CFAP77: variants seen among roughly 807,000 people sequenced by gnomAD.
CFAP77 encodes the protein cilia- and flagella-associated protein 77.
In CFAP77, 25 loss-of-function variants were observed where a neutral mutation model predicts 31.1. The ratio of observed to expected loss-of-function variants is 0.80; its 90% CI spans 0.59 to 1.12. The LOEUF (loss-of-function observed/expected upper bound fraction) is 1.12, where lower values mean the gene tolerates loss of function less well. Among genes scored for constraint, CFAP77 ranks in the 50% most tolerant of loss-of-function variants. The pLI is 0.00. For missense variants in CFAP77, 377 were observed against 397.3 expected, an observed-to-expected ratio of 0.95 and a Z score of 0.44; for synonymous variants, 151 against 159.9, an observed-to-expected ratio of 0.94 and a Z score of 0.42.
chr9:132,461,156 G>T (rs1851043512), intron 1 of CFAP77, among the ~76,000 whole-genome samples: 1 of 152,196 alleles, frequency 6.6e-6, no homozygotes, highest in Non-Finnish European at 1.5e-5. Context: ...CTGAATGAAG[G>T]TTGGCTTTTA....
intron 3 of CFAP77, among the ~76,000 whole-genome samples, chr9:132,536,887 A>G (rs1326555675): frequency 6.6e-6 from 1 of 152,176 alleles, no homozygotes; most frequent in African/African-American, 2.4e-5. Flanking sequence ...TAAGATGGGA[A>G]TAATACTAGT....
chr9:132,536,639 C>T (rs1447053265), intron 3 of CFAP77, among the ~76,000 whole-genome samples: 1 of 152,172 alleles, frequency 6.6e-6, no homozygotes, highest in Non-Finnish European at 1.5e-5. Flanking sequence ...GGTGATCCAC[C>T]TGCCTCGGCC....
chr9:132,420,753 A>T (rs1732374826), intron 1 of CFAP77, among the ~76,000 whole-genome samples: 1 of 152,208 alleles, frequency 6.6e-6, no homozygotes, highest in Non-Finnish European at 1.5e-5. Context: ...TGAGCACATA[A>T]TGTGTACCAG....
At chr9:132,561,745 C>G (rs1829814309) in intron 5 of CFAP77, among the ~76,000 whole-genome samples, 1 of 152,094 alleles carries the variant, frequency 6.6e-6, no homozygotes, top group Non-Finnish European at 1.5e-5. Context: ...AAACACACGG[C>G]TCCTGCCCTG....
intron 4 of CFAP77, among the ~76,000 whole-genome samples, chr9:132,542,486 G>A (rs552759719): frequency 6.6e-5 from 10 of 152,162 alleles, no homozygotes; most frequent in African/African-American, 1.7e-4. Context: ...TGAGTCCCCC[G>A]AAGAAGCTCT....
At chr9:132,521,162 A>C (rs7021468) in intron 3 of CFAP77, among the ~76,000 whole-genome samples, 67,027 of 152,098 alleles carry the variant, frequency 0.44, 15,389 homozygotes, top group East Asian at 0.77. Context: ...CAGTGAGGAT[A>C]CAGGATCGGC....
chr9:132,429,735 A>G (rs1202869884), intron 1 of CFAP77, among the ~76,000 whole-genome samples: 3 of 151,442 alleles, frequency 2.0e-5, no homozygotes, highest in East Asian at 1.9e-4. Context: ...GGGTGCCTGT[A>G]GTCCCAGCTA....
In CFAP77 at chr9:132,556,862, G is replaced by C. The variant is rs555312855; in HGVS notation, c.732+13815G>C. 3.9e-5 allele frequency among the ~76,000 whole-genome samples: 6 copies of C among 152,226 alleles called. No homozygotes were observed. The East Asian group carries it at 1.2e-3, about 30-fold the overall frequency. ...CCCCAGCCAGCCCCCAGGCCCCTTT[G>C]GCGCTGGCTGTTTCTTCCGCCTCCT... On this transcript the variant is annotated intron_variant, in intron 5 of 5. Transcript: ENST00000393216.
chr9:132,485,359 G>A (rs1421880728), intron 1 of CFAP77, among the ~76,000 whole-genome samples: 1 of 152,190 alleles, frequency 6.6e-6, no homozygotes, highest in East Asian at 1.9e-4. Context: ...AGACTCGGAG[G>A]TTAAGCATTA....
intron 5 of CFAP77, among the ~76,000 whole-genome samples, chr9:132,557,448 G>T (rs1852922756): frequency 1.3e-5 from 2 of 152,218 alleles, no homozygotes; most frequent in African/African-American, 4.8e-5. Flanking sequence ...AGGGATGAGC[G>T]CTGGGCAGCA....
chr9:132,489,340 C>T (rs2118933301), intron 1 of CFAP77, among the ~76,000 whole-genome samples: 1 of 152,244 alleles, frequency 6.6e-6, no homozygotes, highest in Non-Finnish European at 1.5e-5. Context: ...GCCTCCCTTG[C>T]AGAGTTGTTG....
chr9:132,437,068 G>T (rs568554996), intron 1 of CFAP77, among the ~76,000 whole-genome samples: 1 of 152,164 alleles, frequency 6.6e-6, no homozygotes, highest in African/African-American at 2.4e-5. Flanking sequence ...TCTTCATTTC[G>T]CACCCTGTGT....
rs2118960878 is a variant in CFAP77, at chr9:132,498,856, C to T, written c.295+62C>T. The T allele has an allele frequency of 8.1e-7, 1 of 1,234,958 alleles. No homozygotes were observed. 76.5% of individuals were successfully genotyped at this position (1,234,958 alleles called of 1,614,324 possible). The stretch of plus-strand genomic sequence containing the variant: ...TGGGAGGGAGGCTCACCCCTCTTCA[C>T]AGACCCCTTGACCTAGCTCGCTGCT... On this transcript the variant is annotated intron_variant, in intron 2 of 5. Coordinates refer to ENST00000393216, the MANE Select transcript of CFAP77 (RefSeq NM_001282957.2). This position sits in a 1 kb window ranked among gnomAD's most constrained non-coding sequence, Gnocchi z 4.2.
At chr9:132,422,024 T>C (rs2131681013) in intron 1 of CFAP77, among the ~76,000 whole-genome samples, 1 of 152,130 alleles carries the variant, frequency 6.6e-6, no homozygotes, top group East Asian at 1.9e-4. Context: ...TTTTTTTTTT[T>C]TGAGACGGAG....
chr9:132,538,418 C>T (rs1162031864), intron 4 of CFAP77, among the ~76,000 whole-genome samples: 4 of 152,212 alleles, frequency 2.6e-5, no homozygotes, highest in African/African-American at 2.4e-5. Context: ...ACAAGCAGGA[C>T]GTCAGGGCAG....
chr9:132,456,175 GAC>G (rs1318162211), intron 1 of CFAP77, among the ~76,000 whole-genome samples: 1 of 152,188 alleles, frequency 6.6e-6, no homozygotes, highest in Non-Finnish European at 1.5e-5. Flanking sequence ...GAGAAAGACA[GAC>G]AATAAATACA....
intron 3 of CFAP77, among the ~76,000 whole-genome samples, chr9:132,519,251 G>C (rs941173462): frequency 6.7e-5 from 8 of 118,984 alleles, no homozygotes; most frequent in African/African-American, 2.2e-4. Flanking sequence ...TGGATGGATA[G>C]GTGGATGGAT....
At chr9:132,412,652 A>C (rs1850029463) in intron 1 of CFAP77, among the ~76,000 whole-genome samples, 1 of 151,446 alleles carries the variant, frequency 6.6e-6, no homozygotes. Flanking sequence ...GTTTTGCTCA[A>C]GGTTTTGGCA....
intron 3 of CFAP77, among the ~76,000 whole-genome samples, chr9:132,521,844 G>T (rs1159892462): frequency 1.5e-5 from 2 of 130,936 alleles, no homozygotes; most frequent in African/African-American, 6.0e-5. Flanking sequence ...TCAGCTCACT[G>T]CAACCTCTGC....
Sources: allele counts gnomAD v4.1 joint callset (sites outside exome capture counted in the v4.1 genomes callset), GRCh38; gene constraint gnomAD v4.1.1; non-coding constraint Gnocchi (gnomAD v3.1); transcripts MANE v1.5; gene names NCBI Gene and HGNC (gene_info 2026-07-23, HGNC 2026-07-21).